Variants in EXD3 observed in about 807,000 individuals in gnomAD.
EXD3 encodes exonuclease 3'-5' domain containing 3, also known as exonuclease mut-7 homolog.
Under a neutral mutation model 98.0 loss-of-function variants are expected in EXD3, and 92 were observed. That is an observed-to-expected ratio of 0.94 (90% confidence interval 0.79 to 1.12). The LOEUF is 1.12. EXD3 is among the 50% of genes most tolerant of loss of function. The pLI, the probability that EXD3 is intolerant of heterozygous loss-of-function variation, is 0.00. For synonymous variants in EXD3, 569 were observed against 526.0 expected, an observed-to-expected ratio of 1.08 and a Z score of -1.12; for missense variants, 1,222 against 1,191.6, an observed-to-expected ratio of 1.03 and a Z score of -0.38.
chr9:137,395,282 C>G lies in EXD3; in HGVS notation c.55+21G>C. 6.2e-7 allele frequency: 1 copy of G among 1,608,612 alleles called. No homozygotes were observed. The highest frequency in any genetic ancestry group is 8.5e-7 in the Non-Finnish European group (1 of 1,175,466). ...CCCCCACAGCCCCAGGGAGACTCGG[C>G]ACCATCAGGCTCAGACTCACCCATG... is the stretch of plus-strand genomic sequence containing the variant. On this transcript the variant is annotated intron_variant, in intron 2 of 21. Transcript: ENST00000340951. The surrounding 1 kb of genome is among the most constrained non-coding windows in gnomAD (Gnocchi z 6.5).
At chr9:137,365,636 TGCACACACATACATGTACACACACCACAC>T in intron 7 of EXD3, 1 of 164,060 alleles carries the variant, frequency 6.1e-6, no homozygotes, top group Non-Finnish European at 1.2e-5. Context: ...CACACACACG[TGCACACACATACATGTACACACACCACAC>T]GCACACACAT....
chr9:137,314,619 C>A (rs1176036094), intron 19 of EXD3, among the ~76,000 whole-genome samples: 1 of 152,148 alleles, frequency 6.6e-6, no homozygotes, highest in African/African-American at 2.4e-5. Context: ...TCCCCCCGCC[C>A]CCAGGGCCCC....
intron 13 of EXD3, 41 bp downstream of exon 13, chr9:137,351,277 T>G (rs1336249499): frequency 6.3e-7 from 1 of 1,581,456 alleles, no homozygotes. Context: ...GCGGGCTGCT[T>G]TCTTTCTGGA....
intron 17 of EXD3, among the ~76,000 whole-genome samples, chr9:137,330,113 C>G (rs1278951266): frequency 1.8e-5 from 2 of 113,346 alleles, no homozygotes; most frequent in Non-Finnish European, 3.7e-5. Flanking sequence ...AGGAGCTACA[C>G]AGGAGCTACA....
In EXD3 at chr9:137,349,466, G is replaced by A. The variant is rs750920260; in HGVS notation, c.1560C>T (p.Leu520=). 1 of 1,603,898 alleles carries A rather than the reference G, an allele frequency of 6.2e-7. No individual in the cohort carries two copies. Among genetic ancestry groups the A allele is most frequent in the South Asian group, 1.1e-5 (1 of 90,408 alleles). The part of the protein sequence containing the change: ...DRARELRGLS[L]LVQQVLGTAL... Reference sequence around the variant, plus strand: ...CTGTGCCCAGCACCTGCTGCACCAGGAGGCTCAGGCCCCTCAGCTCCCTGG... The same window carrying A: ...CTGTGCCCAGCACCTGCTGCACCAGAAGGCTCAGGCCCCTCAGCTCCCTGG... The change falls in exon 15 of 22, where the codon CTC becomes CTT. Residue 520 remains leucine (L), a synonymous_variant. Transcript: ENST00000340951. This position sits in a 1 kb window ranked among gnomAD's most constrained non-coding sequence, Gnocchi z 7.4.
chr9:137,400,186 G>A (rs772708847), intron 1 of EXD3, among the ~76,000 whole-genome samples: 1 of 152,128 alleles, frequency 6.6e-6, no homozygotes, highest in Admixed American at 6.5e-5. Context: ...CTCCCATAAC[G>A]TGGGAATTCT....
At chr9:137,413,979 C>A (rs1000673370) in intron 1 of EXD3, among the ~76,000 whole-genome samples, 1 of 147,860 alleles carries the variant, frequency 6.8e-6, no homozygotes, top group African/African-American at 2.5e-5. Context: ...TGCAGTGGTG[C>A]CATCTCGGCT....
chr9:137,388,962 C>G (rs1836754002), intron 2 of EXD3, among the ~76,000 whole-genome samples: 1 of 152,200 alleles, frequency 6.6e-6, no homozygotes. Context: ...AAAGGGCCAG[C>G]CCACGGCCTC....
intron 3 of EXD3, among the ~76,000 whole-genome samples, chr9:137,376,720 G>A (rs377074761): frequency 6.6e-5 from 10 of 151,956 alleles, no homozygotes; most frequent in African/African-American, 2.4e-4. Flanking sequence ...AACTGAGGTC[G>A]GGAGTTGGAG....
chr9:137,364,112 G>A (rs996220897), intron 7 of EXD3, among the ~76,000 whole-genome samples: 2 of 152,048 alleles, frequency 1.3e-5, no homozygotes, highest in Non-Finnish European at 2.9e-5. Flanking sequence ...CTTCCCTTAG[G>A]CATCACTGTG....
At chr9:137,335,506 C>T (rs1032900109) in intron 17 of EXD3, among the ~76,000 whole-genome samples, 5 of 152,072 alleles carry the variant, frequency 3.3e-5, no homozygotes, top group Non-Finnish European at 4.4e-5. Flanking sequence ...AGGTGAAACC[C>T]GGTCTCTGCT....
At chr9:137,408,369 A>T (rs1465267618) in intron 1 of EXD3, among the ~76,000 whole-genome samples, 6 of 151,924 alleles carry the variant, frequency 3.9e-5, no homozygotes, top group Admixed American at 3.9e-4. Flanking sequence ...TAACACGGTG[A>T]AACCCCGTCT....
chr9:137,415,600 A>G (rs1203383262), intron 1 of EXD3, among the ~76,000 whole-genome samples: 3 of 152,144 alleles, frequency 2.0e-5, no homozygotes, highest in African/African-American at 7.2e-5. Context: ...CCCACAACAC[A>G]TGGATGTACC....
At chr9:137,345,531 G>A (rs796791634) in intron 17 of EXD3, among the ~76,000 whole-genome samples, 23 of 151,968 alleles carry the variant, frequency 1.5e-4, no homozygotes, top group African/African-American at 5.3e-4. Context: ...GTGTAGTGGC[G>A]AGCACCTGTG....
intron 1 of EXD3, among the ~76,000 whole-genome samples, chr9:137,413,908 GTTTTT>G (rs891874055): frequency 7.0e-6 from 1 of 141,906 alleles, no homozygotes; most frequent in Admixed American, 7.0e-5. Flanking sequence ...AGGTTCTGTT[GTTTTT>G]TTTTTCTTTT....
intron 1 of EXD3, among the ~76,000 whole-genome samples, chr9:137,419,930 C>T (rs561199163): frequency 6.2e-4 from 95 of 152,200 alleles, no homozygotes; most frequent in Middle Eastern, 3.4e-3. Flanking sequence ...GAGGCCAAGG[C>T]GGGCGGATCA....
intron 17 of EXD3, among the ~76,000 whole-genome samples, chr9:137,330,547 C>G (rs976264515): frequency 7.4e-6 from 1 of 134,996 alleles, no homozygotes; most frequent in Non-Finnish European, 1.6e-5. Context: ...AGGAGCTACA[C>G]AGGAGCTACA....
At chr9:137,327,462 T>A (rs1832488977) in intron 17 of EXD3, among the ~76,000 whole-genome samples, 1 of 152,040 alleles carries the variant, frequency 6.6e-6, no homozygotes, top group Admixed American at 6.6e-5. Flanking sequence ...GATACCCAGT[T>A]CTGGAAAGGG....
chr9:137,330,730 A>C (rs980036627), intron 17 of EXD3, among the ~76,000 whole-genome samples: 1 of 152,214 alleles, frequency 6.6e-6, no homozygotes, highest in Non-Finnish European at 1.5e-5. Flanking sequence ...GAGCTACAAG[A>C]ATAAACCCGG....
Sources: allele counts gnomAD v4.1 joint callset (sites outside exome capture counted in the v4.1 genomes callset), GRCh38; gene constraint gnomAD v4.1.1; non-coding constraint Gnocchi (gnomAD v3.1); transcripts MANE v1.5; gene names NCBI Gene and HGNC (gene_info 2026-07-23, HGNC 2026-07-21).